Variants in ZC3H4 observed in about 807,000 individuals in gnomAD.
ZC3H4 encodes zinc finger CCCH-type containing 4.
In ZC3H4, 13 loss-of-function variants were observed where a neutral mutation model predicts 108.3. That is an observed-to-expected ratio of 0.12 (90% CI 0.08 to 0.19). ZC3H4 has a LOEUF of 0.19. Among genes scored for constraint, ZC3H4 ranks in the 10% least tolerant of loss-of-function variants. ZC3H4 has a pLI of 1.00. For missense variants in ZC3H4, 1,734 were observed against 1,838.8 expected, an observed-to-expected ratio of 0.94 and a Z score of 1.04; for synonymous variants, 917 against 749.6, an observed-to-expected ratio of 1.22 and a Z score of -3.65.
chr19:47,090,308 G>A (rs545046961), intron 4 of ZC3H4, 119 bp from the exon 5 acceptor site: 26 of 1,108,926 alleles, frequency 2.3e-5, no homozygotes, highest in Non-Finnish European at 3.4e-5. Flanking sequence ...TACTGTCCCA[G>A]GGTTGCACTG....
chr19:47,103,493 A>AG (rs1568567337), intron 2 of ZC3H4, among the ~76,000 whole-genome samples: 1 of 152,090 alleles, frequency 6.6e-6, no homozygotes, highest in African/African-American at 2.4e-5. Flanking sequence ...TTGTAGAGAC[A>AG]GGGTTTCAGG....
rs1020300431 is a variant in ZC3H4 at position 47,112,593 on chromosome 19, TG to T, written c.-5-5del. 3.6e-5 allele frequency: 42 copies of T among 1,162,362 alleles called. No individual in the cohort carries two copies. Among genetic ancestry groups the T allele is most frequent in the Middle Eastern group, 3.3e-4 (1 of 2,990 alleles). The allele number at this position is 1,162,362 out of a possible 1,614,324, so 72.0% of individuals were successfully genotyped here. ...CCGGGCGCGGCCTCCATAGTTCCTT[TG>T]GGGGGGAGGGGATGTTAATGCACGA... On this transcript the variant is annotated splice_region_variant and splice_polypyrimidine_tract_variant and intron_variant, in intron 1 of 14. Transcript: ENST00000253048.
chr19:47,069,534 G>T (rs563202783), intron 13 of ZC3H4, among the ~76,000 whole-genome samples, 191 bp from the exon 14 acceptor site: 1 of 152,184 alleles, frequency 6.6e-6, no homozygotes, highest in Non-Finnish European at 1.5e-5. Flanking sequence ...TGAAGAATGA[G>T]GTTCACAGAG....
At chr19:47,086,579 A>G (rs368357876) in intron 5 of ZC3H4, 41 bp from the exon 6 acceptor site, 12 of 1,532,792 alleles carry the variant, frequency 7.8e-6, no homozygotes, top group Non-Finnish European at 9.6e-6. Flanking sequence ...GCAGGAGCAG[A>G]TGCCACCAGC....
chr19:47,107,308 G>A lies in ZC3H4; in HGVS notation c.161+5116C>T, dbSNP rs372496437. Among the ~76,000 whole-genome samples, 28 of 152,248 alleles carry A rather than the reference G, an allele frequency of 1.8e-4. No homozygotes were observed. The South Asian group carries it at 5.4e-3, about 29-fold the overall frequency. The stretch of plus-strand genomic sequence containing the variant: ...TCTTCTCTAGTAGGGAAAGCAGGAA[G>A]ATTCACTGAATGCTGGCATTGTGTG... On this transcript the variant is annotated intron_variant, in intron 2 of 14. Transcript: ENST00000253048.
chr19:47,067,883 G>A lies in ZC3H4; in HGVS notation c.2399-14C>T, dbSNP rs368620148. On this transcript the variant is annotated splice_polypyrimidine_tract_variant and intron_variant, in intron 14 of 14. Transcript: ENST00000253048. This position sits in a 1 kb window ranked among gnomAD's most constrained non-coding sequence, Gnocchi z 6.4. ...TTCCGGTGTCACCTGGGAAAGAACA[G>A]AGGAGCAGGGAGGGGTGAGTGGGCG... The A allele has an allele frequency of 2.5e-6, 4 of 1,569,250 alleles. No individual in the cohort carries two copies. Among genetic ancestry groups the A allele is most frequent in the Non-Finnish European group, 3.4e-6 (4 of 1,161,160 alleles).
chr19:47,088,934 G>A (rs1179322386), intron 5 of ZC3H4, among the ~76,000 whole-genome samples: 7 of 152,070 alleles, frequency 4.6e-5, no homozygotes, highest in African/African-American at 1.4e-4. Context: ...TGGGCCGGGC[G>A]CGGTGGCTCA....
rs371749033 is a variant in ZC3H4 at position 47,067,509 on chromosome 19, G to A, written c.2759C>T (p.Pro920Leu). The change falls in exon 15 of 15, where the codon CCG becomes CTG. Residue 920 changes from proline to leucine, a missense_variant. Around this residue, in one of 9 missense-constraint regions of ZC3H4, gnomAD observed 540 missense variants for 484.1 expected, o/e 1.12. Coordinates refer to ENST00000253048, the MANE Select transcript of ZC3H4 (RefSeq NM_015168.2). This position sits in a 1 kb window ranked among gnomAD's most constrained non-coding sequence, Gnocchi z 6.4. Reference protein sequence around the residue: ...VGPSSSKGSGPPPTEEEEGER... With the variant: ...VGPSSSKGSGLPPTEEEEGER... ...CCCTTCCTCCTCCTCCGTTGGGGGC[G>A]GCCCAGACCCCTTGGAACTGCTGGG... The A allele has an allele frequency of 1.3e-4, 203 of 1,586,772 alleles. 1 individual carries two copies. In the African/African-American group the frequency reaches 1.7e-3, roughly 14 times the overall value.
At chr19:47,092,943 G>A (rs955403791) in intron 4 of ZC3H4, among the ~76,000 whole-genome samples, 3 of 152,046 alleles carry the variant, frequency 2.0e-5, no homozygotes, top group East Asian at 1.9e-4. Flanking sequence ...GCGGCCGGGC[G>A]CGGTGGCTCA....
Position 47,072,191 on chromosome 19 carries a change from G to A in ZC3H4, c.1803-70C>T, listed in dbSNP as rs1211047688. ...GCAGTGGCCACACCCCAGAGGAGAG[G>A]CGGAGGGCTGCAGAGCCGAAGGTCA... On this transcript the variant is annotated intron_variant, in intron 12 of 14. Coordinates refer to ENST00000253048, the MANE Select transcript of ZC3H4 (RefSeq NM_015168.2). This position sits in a 1 kb window ranked among gnomAD's most constrained non-coding sequence, Gnocchi z 5.6. 1.1e-5 allele frequency: 16 copies of A among 1,436,420 alleles called. No homozygotes were observed. The highest frequency in any genetic ancestry group is 2.8e-5 in the South Asian group (2 of 70,330). The allele number at this position is 1,436,420 out of a possible 1,614,324, so 89.0% of individuals were successfully genotyped here. A position where few individuals can be genotyped will look rare whatever the true frequency, so the allele number is the denominator to read the frequency against.
chr19:47,112,978 G>T (rs574888640), intron 1 of ZC3H4, among the ~76,000 whole-genome samples: 1 of 152,264 alleles, frequency 6.6e-6, no homozygotes, highest in South Asian at 2.1e-4. Flanking sequence ...AGCGAGGGGG[G>T]TGGGGGGTTA....
chr19:47,098,051 G>A (rs1266566782), intron 2 of ZC3H4, among the ~76,000 whole-genome samples: 1 of 152,182 alleles, frequency 6.6e-6, no homozygotes, highest in Non-Finnish European at 1.5e-5. Flanking sequence ...AAGCTCCCGG[G>A]TATTTCGGTT....
At chr19:47,080,506 C>A (rs1813126446) in intron 11 of ZC3H4, among the ~76,000 whole-genome samples, 1 of 152,032 alleles carries the variant, frequency 6.6e-6, no homozygotes, top group Admixed American at 6.6e-5. Context: ...TTTTTGTGGT[C>A]TTTCTTGGAG....
Position 47,081,649 on chromosome 19 carries a change from T to G in ZC3H4, c.1331-27A>C, listed in dbSNP as rs763068041. The G allele has an allele frequency of 1.9e-6, 3 of 1,593,944 alleles. No individual in the cohort carries two copies. In the South Asian group the frequency reaches 3.3e-5, roughly 18 times the overall value. The stretch of plus-strand genomic sequence containing the variant: ...TTCATGGCAAATTAAGGTAAATGCT[T>G]CATCTCACAGAACGCCCCCCTCCCC... On this transcript the variant is annotated intron_variant, in intron 10 of 14. Transcript: ENST00000253048.
chr19:47,064,560 C>A lies in ZC3H4; in HGVS notation c.*1796G>T, dbSNP rs1484668546. On this transcript the variant is annotated 3_prime_UTR_variant, in exon 15 of 15. Coordinates refer to ENST00000253048, the MANE Select transcript of ZC3H4 (RefSeq NM_015168.2). The stretch of plus-strand genomic sequence containing the variant: ...AGATTTCGGTTTAAAAAATATTTTT[C>A]TTTTACAAAAGAAAATTCTCAAAAG... The A allele has an allele frequency of 6.6e-6, 1 of 152,312 alleles. No homozygotes were observed. Among genetic ancestry groups the A allele is most frequent in the African/African-American group, 2.4e-5 (1 of 41,374 alleles). The allele number at this position is 152,312 out of a possible 1,614,324, so 9.4% of individuals were successfully genotyped here. A position where few individuals can be genotyped will look rare whatever the true frequency, so the allele number is the denominator to read the frequency against.
In ZC3H4 at chr19:47,072,165, G is replaced by T. The variant is rs770862665; in HGVS notation, c.1803-44C>A. On this transcript the variant is annotated intron_variant, in intron 12 of 14. Transcript: ENST00000253048. This position sits in a 1 kb window ranked among gnomAD's most constrained non-coding sequence, Gnocchi z 5.6. Reference sequence around the variant, plus strand: ...GCCTGTGACGGAAGCTGCCGAGGAGGGCAGTGGCCACACCCCAGAGGAGAG... The same window carrying T: ...GCCTGTGACGGAAGCTGCCGAGGAGTGCAGTGGCCACACCCCAGAGGAGAG... The T allele has an allele frequency of 3.4e-6, 5 of 1,478,434 alleles. No individual in the cohort carries two copies. In the East Asian group the frequency reaches 1.2e-4, roughly 36 times the overall value. The allele number at this position is 1,478,434 out of a possible 1,614,324, so 91.6% of individuals were successfully genotyped here. A position where few individuals can be genotyped will look rare whatever the true frequency, so the allele number is the denominator to read the frequency against.
intron 8 of ZC3H4, among the ~76,000 whole-genome samples, chr19:47,084,715 AG>A: frequency 6.6e-6 from 1 of 152,220 alleles, no homozygotes; most frequent in East Asian, 1.9e-4. Flanking sequence ...ACAACTGTGC[AG>A]GAACACGTCC....
At chr19:47,093,215 C>CAAAA (rs918382221) in intron 4 of ZC3H4, among the ~76,000 whole-genome samples, 6 of 48,410 alleles carry the variant, frequency 1.2e-4, no homozygotes, top group African/African-American at 1.5e-4. Context: ...GACTCTGCCT[C>CAAAA]AAAAAAAAAA....
At chr19:47,111,766 C>G (rs1194565818) in intron 2 of ZC3H4, among the ~76,000 whole-genome samples, 1 of 151,294 alleles carries the variant, frequency 6.6e-6, no homozygotes. Context: ...CTATAGAGCA[C>G]CCACCCAAAT....
Sources: gnomAD v4.1 joint callset for allele counts (sites outside exome capture counted in the v4.1 genomes callset) on GRCh38, gnomAD v4.1.1 for gene constraint, gnomAD v4.1.1 regional missense constraint, Gnocchi (gnomAD v3.1) non-coding constraint, MANE v1.5 for transcripts, NCBI Gene and HGNC (gene_info 2026-07-23, HGNC 2026-07-21) for gene names.